CD96: variants seen among roughly 807,000 people sequenced by gnomAD.
The protein encoded by CD96 is T-cell surface protein tactile.
CD96 carries 70 observed loss-of-function variants against 71.3 expected under a neutral mutation model. The ratio of observed to expected loss-of-function variants is 0.98; its 90% CI spans 0.81 to 1.20. CD96 has a LOEUF of 1.20. Ranked by LOEUF, CD96 falls within the 50% of genes most tolerant of loss-of-function variation. The probability of loss-of-function intolerance (pLI) is 0.00; values close to 1 mark genes in which losing one functional copy is unlikely to be tolerated. For missense variants in CD96, 742 were observed against 677.5 expected, an observed-to-expected ratio of 1.10 and a Z score of -1.06; for synonymous variants, 248 against 233.0, an observed-to-expected ratio of 1.06 and a Z score of -0.59.
At chr3:111,549,487 A>G (rs1934587478) in intron 2 of CD96, among the ~76,000 whole-genome samples, 1 of 152,158 alleles carries the variant, frequency 6.6e-6, no homozygotes, top group Non-Finnish European at 1.5e-5. Flanking sequence ...TCAAAAATGC[A>G]TCTTTGTGGT....
At chr3:111,604,463 C>T (rs1233803146) in intron 7 of CD96, among the ~76,000 whole-genome samples, 1 of 152,156 alleles carries the variant, frequency 6.6e-6, no homozygotes, top group Non-Finnish European at 1.5e-5. Flanking sequence ...GCAGAGTTTC[C>T]ACTTTACAGT....
At chr3:111,588,958 T>TC (rs1179876283) in intron 5 of CD96, among the ~76,000 whole-genome samples, 1 of 149,878 alleles carries the variant, frequency 6.7e-6, no homozygotes, top group East Asian at 1.9e-4. Context: ...TTTTTTCTTT[T>TC]TTTTTTTTTT....
At chr3:111,610,108 T>C (rs1576386193) in intron 8 of CD96, among the ~76,000 whole-genome samples, 1 of 152,212 alleles carries the variant, frequency 6.6e-6, no homozygotes, top group East Asian at 1.9e-4. Flanking sequence ...CAAAATCAAA[T>C]CTGGATTTCT....
intron 3 of CD96, among the ~76,000 whole-genome samples, chr3:111,573,004 G>T (rs572219547): frequency 6.6e-6 from 1 of 152,246 alleles, no homozygotes; most frequent in South Asian, 2.1e-4. Context: ...AGCATGAGGG[G>T]TAACTAAGTA....
At chr3:111,567,822 G>A (rs1404703024) in intron 3 of CD96, among the ~76,000 whole-genome samples, 175 bp downstream of exon 3, 2 of 152,184 alleles carry the variant, frequency 1.3e-5, no homozygotes, top group Non-Finnish European at 2.9e-5. Flanking sequence ...CTTCTCACAG[G>A]CAAGCCTCTG....
At position 111,606,789 on chromosome 3, in the gene CD96, G is replaced by A; in HGVS notation, c.1177G>A (p.Ala393Thr). 1.3e-6 allele frequency: 2 copies of A among 1,547,608 alleles called. No homozygotes were observed. The highest frequency in any genetic ancestry group is 1.8e-6 in the Non-Finnish European group (2 of 1,119,420). ...QPSPASSVSP[A>T]RYPATSSVTL... ...TTCTCCAGCCAGCAGTGTATCTCCT[G>A]CAAGTAAGAATGTTTTCACACTGAG... Residue 393 changes from alanine to threonine, a missense_variant, in exon 8 of 14, where the codon GCA (alanine) becomes ACA (threonine). By Grantham distance (58) the Ala-to-Thr change is moderately conservative. Coordinates refer to ENST00000352690, the MANE Select transcript of CD96 (RefSeq NM_005816.5).
intron 5 of CD96, among the ~76,000 whole-genome samples, chr3:111,595,675 G>T (rs1419985981): frequency 1.3e-5 from 2 of 151,490 alleles, no homozygotes; most frequent in Admixed American, 6.6e-5. Context: ...AGTGGGAAAG[G>T]CTGAAATATT....
chr3:111,593,953 C>A, intron 5 of CD96: 1 of 1,614,070 alleles, frequency 6.2e-7, no homozygotes, highest in Non-Finnish European at 8.5e-7. Flanking sequence ...GGCTCACCTG[C>A]CTGCCACACA....
intron 7 of CD96, among the ~76,000 whole-genome samples, chr3:111,602,464 A>C (rs1937520065): frequency 6.6e-6 from 1 of 152,174 alleles, no homozygotes; most frequent in South Asian, 2.1e-4. Flanking sequence ...TTGCCAAATG[A>C]GTCTTTATCC....
chr3:111,655,831 A>G (rs974460405), downstream of CD96, among the ~76,000 whole-genome samples: 10 of 151,804 alleles, frequency 6.6e-5, no homozygotes, highest in African/African-American at 2.4e-4. Flanking sequence ...ATGCAAATCT[A>G]TCTACAGCTG....
intron 14 of CD96, among the ~76,000 whole-genome samples, chr3:111,663,276 C>T (rs1179357293): frequency 6.6e-6 from 1 of 152,178 alleles, no homozygotes; most frequent in East Asian, 1.9e-4. Flanking sequence ...GATTCAAGCA[C>T]CTCCCACCAG....
downstream of CD96, among the ~76,000 whole-genome samples, chr3:111,657,042 A>G (rs983926037): frequency 8.6e-5 from 13 of 151,988 alleles, no homozygotes; most frequent in Non-Finnish European, 1.3e-4. Flanking sequence ...CTGAAAGAAA[A>G]CTATTTGTAT....
At chr3:111,587,740 C>A (rs1027254168) in intron 5 of CD96, among the ~76,000 whole-genome samples, 2 of 152,328 alleles carry the variant, frequency 1.3e-5, no homozygotes, top group South Asian at 2.1e-4. Context: ...AACCTCAATT[C>A]TTGACTTCTG....
chr3:111,626,109 C>T (rs992323390), intron 10 of CD96, among the ~76,000 whole-genome samples: 30 of 151,938 alleles, frequency 2.0e-4, no homozygotes, highest in Non-Finnish European at 4.0e-4. Flanking sequence ...CAAGACCATC[C>T]TGGCTAACAG....
intron 12 of CD96, among the ~76,000 whole-genome samples, chr3:111,639,287 G>A (rs1322055914): frequency 6.6e-6 from 1 of 152,158 alleles, no homozygotes; most frequent in African/African-American, 2.4e-5. Context: ...TGGCGGGGTG[G>A]GGGGCATGGT....
At chr3:111,564,212 T>C (rs1935594686) in intron 2 of CD96, among the ~76,000 whole-genome samples, 1 of 152,020 alleles carries the variant, frequency 6.6e-6, no homozygotes, top group African/African-American at 2.4e-5. Flanking sequence ...TTATAGTTTT[T>C]AATATTTGTT....
chr3:111,564,533 C>T (rs757673378), intron 2 of CD96, among the ~76,000 whole-genome samples: 5 of 151,974 alleles, frequency 3.3e-5, no homozygotes, highest in Non-Finnish European at 7.4e-5. Flanking sequence ...CTTTTTTCTT[C>T]CACTGGACTC....
At chr3:111,640,960 C>T (rs1218054208) in intron 12 of CD96, among the ~76,000 whole-genome samples, 1 of 152,134 alleles carries the variant, frequency 6.6e-6, no homozygotes, top group Non-Finnish European at 1.5e-5. Flanking sequence ...ACCAAACCAC[C>T]ACTACAGGAA....
chr3:111,628,078 GAAAA>G (rs1270633514), intron 10 of CD96, among the ~76,000 whole-genome samples: 1 of 151,088 alleles, frequency 6.6e-6, no homozygotes, highest in Non-Finnish European at 1.5e-5. Context: ...TTTAAAAAAA[GAAAA>G]AGAAAAAGAA....
Sources: gnomAD v4.1 joint callset for allele counts (sites outside exome capture counted in the v4.1 genomes callset) on GRCh38, gnomAD v4.1.1 for gene constraint, MANE v1.5 for transcripts, NCBI Gene and HGNC (gene_info 2026-07-23, HGNC 2026-07-21) for gene names.